The following OSBPL6 variants were observed in gnomAD, a reference collection of about 807,000 sequenced individuals.
OSBPL6 encodes oxysterol binding protein like 6, also known as oxysterol-binding protein-related protein 6.
OSBPL6 carries 49 observed loss-of-function variants against 125.8 expected under a neutral mutation model. The observed-to-expected ratio is 0.39, with a 90% CI of 0.31 to 0.49. The LOEUF (loss-of-function observed/expected upper bound fraction) is 0.49, where lower values mean the gene tolerates loss of function less well. OSBPL6 is among the 20% of genes least tolerant of loss of function. The probability of loss-of-function intolerance (pLI) is 0.88; values close to 1 mark genes in which losing one functional copy is unlikely to be tolerated. For synonymous variants in OSBPL6, 394 were observed against 391.8 expected (o/e 1.01, Z -0.07); for missense variants, 986 against 1,135.4 (o/e 0.87, Z 1.89).
intron 3 of OSBPL6, among the ~76,000 whole-genome samples, chr2:178,306,688 AT>A (rs1236194236): frequency 6.6e-6 from 1 of 152,206 alleles, no homozygotes; most frequent in African/African-American, 2.4e-5. Context: ...TCTGTTTGGT[AT>A]TTTGTGGAAT....
intron 13 of OSBPL6, among the ~76,000 whole-genome samples, chr2:178,366,715 T>C (rs1692869562): frequency 6.6e-6 from 1 of 152,224 alleles, no homozygotes; most frequent in Admixed American, 6.5e-5. Context: ...ACATTTCACA[T>C]ACCCAAATAA....
intron 1 of OSBPL6, among the ~76,000 whole-genome samples, chr2:178,276,119 TTACGA>T (rs979887804): frequency 3.9e-4 from 60 of 152,292 alleles, no homozygotes; most frequent in African/African-American, 1.4e-3. Flanking sequence ...AGTAAATATA[TTACGA>T]TCATCATAAT....
intron 1 of OSBPL6, among the ~76,000 whole-genome samples, chr2:178,212,279 CT>C (rs139420327): frequency 6.6e-6 from 1 of 152,270 alleles, no homozygotes; most frequent in East Asian, 1.9e-4. Flanking sequence ...TAAATATGTC[CT>C]TTCCTGGAGC....
At chr2:178,211,572 C>A (rs796275530) in intron 1 of OSBPL6, among the ~76,000 whole-genome samples, 39 of 152,290 alleles carry the variant, frequency 2.6e-4, no homozygotes, top group African/African-American at 8.7e-4. Flanking sequence ...CAGCCAGATG[C>A]CATTTTGATA....
At chr2:178,273,400 A>G (rs2092409727) in intron 1 of OSBPL6, among the ~76,000 whole-genome samples, 1 of 152,034 alleles carries the variant, frequency 6.6e-6, no homozygotes, top group African/African-American at 2.4e-5. Flanking sequence ...ACCAGCCTGG[A>G]CAGCATGGTG....
intron 1 of OSBPL6, among the ~76,000 whole-genome samples, chr2:178,198,613 A>G (rs529439292): frequency 7.2e-6 from 1 of 138,440 alleles, no homozygotes; most frequent in East Asian, 2.1e-4. Flanking sequence ...GCGAGACTCC[A>G]TCTCATAAAT....
chr2:178,244,061 A>G (rs771670965), intron 1 of OSBPL6, among the ~76,000 whole-genome samples: 10 of 152,140 alleles, frequency 6.6e-5, no homozygotes, highest in Non-Finnish European at 1.3e-4. Flanking sequence ...GCTGTAAATT[A>G]TCTGTCTCCT....
At chr2:178,239,745 C>T (rs2091212495) in intron 1 of OSBPL6, among the ~76,000 whole-genome samples, 1 of 151,638 alleles carries the variant, frequency 6.6e-6, no homozygotes, top group South Asian at 2.1e-4. Context: ...CCTGCCTCAG[C>T]CTCCCGAGTA....
chr2:178,390,991 A>T lies in OSBPL6; in HGVS notation c.2302-82A>T, dbSNP rs532394489. On this transcript the variant is annotated intron_variant, in intron 21 of 24. Coordinates refer to ENST00000190611, the MANE Select transcript of OSBPL6 (RefSeq NM_032523.4). ...GGTTTGAATAAGGGACTTCAAGGCTAAGAAATTTTTCTATATGGAAAATAC... is the reference window on the plus strand; with the variant it reads ...GGTTTGAATAAGGGACTTCAAGGCTTAGAAATTTTTCTATATGGAAAATAC... 621 of 1,563,144 alleles carry T rather than the reference A, an allele frequency of 4.0e-4. 4 individuals carry two copies. The South Asian group carries it at 4.8e-3, about 12-fold the overall frequency.
At chr2:178,303,658 TGAA>T (rs979400292) in intron 2 of OSBPL6, among the ~76,000 whole-genome samples, 1 of 152,210 alleles carries the variant, frequency 6.6e-6, no homozygotes, top group African/African-American at 2.4e-5. Flanking sequence ...TGTCTCCAAC[TGAA>T]TGTCTTCAGC....
At chr2:178,245,052 C>T (rs776425098) in intron 1 of OSBPL6, among the ~76,000 whole-genome samples, 11 of 152,126 alleles carry the variant, frequency 7.2e-5, no homozygotes, top group Admixed American at 1.3e-4. Flanking sequence ...TAAAATGACA[C>T]GATGGATTAT....
intron 5 of OSBPL6, among the ~76,000 whole-genome samples, chr2:178,329,595 A>T (rs6724881): frequency 2.7e-5 from 4 of 150,900 alleles, no homozygotes; most frequent in Admixed American, 2.0e-4. Flanking sequence ...ATTTTTTTTT[A>T]TTTTTATTTT....
chr2:178,207,356 C>T (rs948823048), intron 1 of OSBPL6, among the ~76,000 whole-genome samples: 1 of 152,144 alleles, frequency 6.6e-6, no homozygotes, highest in Non-Finnish European at 1.5e-5. Flanking sequence ...CTCTCTCTGC[C>T]TCTGTCTTAC....
At chr2:178,258,223 C>T (rs139272469) in intron 1 of OSBPL6, among the ~76,000 whole-genome samples, 80 of 152,266 alleles carry the variant, frequency 5.3e-4, no homozygotes, top group African/African-American at 1.9e-3. Flanking sequence ...GCCTCAGCCT[C>T]CCGAGTAGCT....
At chr2:178,203,906 C>G (rs1319476655) in intron 1 of OSBPL6, among the ~76,000 whole-genome samples, 1 of 152,120 alleles carries the variant, frequency 6.6e-6, no homozygotes, top group East Asian at 1.9e-4. Flanking sequence ...GTTCTTGATT[C>G]TGTGAGTGTA....
intron 22 of OSBPL6, 83 bp downstream of exon 22, chr2:178,391,300 CTCACATTA>C: frequency 1.4e-6 from 2 of 1,384,464 alleles, no homozygotes; most frequent in East Asian, 4.9e-5. Context: ...TCTTATGCAA[CTCACATTA>C]TGTTTCCTTT....
At chr2:178,382,714 C>G (rs1694597460) in intron 16 of OSBPL6, 14 of 1,438,518 alleles carry the variant, frequency 9.7e-6, no homozygotes, top group Non-Finnish European at 1.3e-5. Context: ...TAAGAGAAAA[C>G]GTTTTTCCTC....
At chr2:178,379,457 G>A (rs1467153397) in intron 15 of OSBPL6, among the ~76,000 whole-genome samples, 1 of 150,356 alleles carries the variant, frequency 6.7e-6, no homozygotes, top group Admixed American at 6.6e-5. Flanking sequence ...AGGAAGGAAG[G>A]AGGGAAGGAG....
At chr2:178,222,573 G>A (rs2090387425) in intron 1 of OSBPL6, among the ~76,000 whole-genome samples, 1 of 152,188 alleles carries the variant, frequency 6.6e-6, no homozygotes, top group African/African-American at 2.4e-5. Flanking sequence ...AACCCAGGAG[G>A]CGGAGCTTGC....
Sources: gnomAD v4.1 joint callset for allele counts (sites outside exome capture counted in the v4.1 genomes callset) on GRCh38, gnomAD v4.1.1 for gene constraint, MANE v1.5 for transcripts, NCBI Gene and HGNC (gene_info 2026-07-23, HGNC 2026-07-21) for gene names.